Variants in SYNPR observed in about 807,000 individuals in gnomAD.
SYNPR encodes synaptoporin.
A neutral mutation model predicts 32.9 loss-of-function variants in SYNPR; 23 were observed. The observed-to-expected ratio is 0.70, with a 90% CI of 0.50 to 0.99. The LOEUF is 0.99. Ranked by LOEUF, SYNPR falls within the 50% of genes least tolerant of loss-of-function variation. The probability of loss-of-function intolerance (pLI) is 0.00; values close to 1 mark genes in which losing one functional copy is unlikely to be tolerated. For missense variants in SYNPR, 318 were observed against 349.3 expected, an observed-to-expected ratio of 0.91 and a Z score of 0.71; for synonymous variants, 146 against 135.9, an observed-to-expected ratio of 1.07 and a Z score of -0.52.
At chr3:63,395,121 G>GA (rs34929942) in intron 2 of SYNPR, among the ~76,000 whole-genome samples, 6 of 151,164 alleles carry the variant, frequency 4.0e-5, no homozygotes, top group Admixed American at 6.6e-5. Flanking sequence ...AGTGTTTTAG[G>GA]AAAAAAAAAC....
chr3:63,321,798 A>C (rs17068221), intron 2 of SYNPR, among the ~76,000 whole-genome samples: 335 of 152,172 alleles, frequency 2.2e-3, no homozygotes, highest in African/African-American at 8.0e-3. Context: ...ATATAAACAC[A>C]AATAAAATTC....
chr3:63,280,721 G>A (rs2086623125), intron 2 of SYNPR, among the ~76,000 whole-genome samples: 1 of 130,804 alleles, frequency 7.6e-6, no homozygotes, highest in African/African-American at 2.6e-5. Context: ...CCCCTTGGGG[G>A]AGGGGTGTGT....
chr3:63,418,280 C>T (rs1459737479), intron 2 of SYNPR, among the ~76,000 whole-genome samples: 1 of 152,160 alleles, frequency 6.6e-6, no homozygotes, highest in African/African-American at 2.4e-5. Context: ...ACAAGTTCCT[C>T]ATCTTCATCT....
chr3:63,208,025 C>T, the SYNPR span, among the ~76,000 whole-genome samples: 13 of 148,242 alleles, frequency 8.8e-5, no homozygotes, highest in African/African-American at 3.2e-4. Context: ...TTCATTAATT[C>T]TACGTGCAAA....
chr3:63,511,255 C>T (rs977000109), intron 3 of SYNPR, among the ~76,000 whole-genome samples: 15 of 152,040 alleles, frequency 9.9e-5, no homozygotes, highest in Admixed American at 2.6e-4. Context: ...CCCTGAGATG[C>T]TCCCTCCAAG....
the SYNPR span, among the ~76,000 whole-genome samples, chr3:63,210,060 G>C: frequency 6.6e-6 from 1 of 151,994 alleles, no homozygotes. Flanking sequence ...TTCTTACTAA[G>C]AGAACAGTCA....
At chr3:63,344,880 C>G (rs2087416499) in intron 2 of SYNPR, among the ~76,000 whole-genome samples, 1 of 152,016 alleles carries the variant, frequency 6.6e-6, no homozygotes, top group African/African-American at 2.4e-5. Context: ...TGTAGGGGAT[C>G]AAAGCTATCT....
chr3:63,536,032 G>C (rs898320102), intron 3 of SYNPR, among the ~76,000 whole-genome samples: 11 of 152,182 alleles, frequency 7.2e-5, no homozygotes, highest in African/African-American at 2.6e-4. Flanking sequence ...TTGGGAGGCT[G>C]AGATGGGAGA....
intron 3 of SYNPR, among the ~76,000 whole-genome samples, chr3:63,530,949 A>G (rs1702102448): frequency 6.6e-6 from 1 of 152,122 alleles, no homozygotes; most frequent in African/African-American, 2.4e-5. Flanking sequence ...ATTTGAGCTG[A>G]ATTTGAATGA....
chr3:63,416,969 G>C (rs966734792), intron 2 of SYNPR, among the ~76,000 whole-genome samples: 1 of 152,110 alleles, frequency 6.6e-6, no homozygotes, highest in African/African-American at 2.4e-5. Context: ...CAAATCTCAT[G>C]TCCTCACATT....
At chr3:63,557,600 T>C (rs893964826) in intron 4 of SYNPR, among the ~76,000 whole-genome samples, 1 of 152,214 alleles carries the variant, frequency 6.6e-6, no homozygotes, top group African/African-American at 2.4e-5. Flanking sequence ...TTTACTATTT[T>C]TTGGCTTTCA....
At chr3:63,314,099 C>CCATATATATATATATCCAT (rs1560189224) in intron 2 of SYNPR, among the ~76,000 whole-genome samples, 2 of 111,274 alleles carry the variant, frequency 1.8e-5, no homozygotes, top group East Asian at 2.6e-4. Context: ...ATATATATAT[C>CCATATATATATATATCCAT]ACAGTTTCTT....
chr3:63,379,673 T>C (rs894859993), intron 2 of SYNPR, among the ~76,000 whole-genome samples: 1 of 151,982 alleles, frequency 6.6e-6, no homozygotes, highest in Non-Finnish European at 1.5e-5. Context: ...TATATCTTTT[T>C]TGATTCTTTT....
At chr3:63,285,130 C>G (rs2086668566) in intron 2 of SYNPR, among the ~76,000 whole-genome samples, 2 of 152,230 alleles carry the variant, frequency 1.3e-5, no homozygotes, top group Non-Finnish European at 2.9e-5. Flanking sequence ...CAGTGTTTAT[C>G]TCAGTCATCA....
intron 2 of SYNPR, among the ~76,000 whole-genome samples, chr3:63,382,941 C>T (rs1449569453): frequency 2.0e-5 from 3 of 152,158 alleles, no homozygotes; most frequent in Non-Finnish European, 4.4e-5. Context: ...TCACTTAATA[C>T]ATTATTCTAT....
At chr3:63,545,953 C>A (rs147111931) in intron 3 of SYNPR, among the ~76,000 whole-genome samples, 1 of 151,940 alleles carries the variant, frequency 6.6e-6, no homozygotes, top group African/African-American at 2.4e-5. Context: ...CTATACTAAC[C>A]GAATAAAATA....
At chr3:63,305,359 T>C (rs1358648973) in intron 2 of SYNPR, among the ~76,000 whole-genome samples, 1 of 152,034 alleles carries the variant, frequency 6.6e-6, no homozygotes, top group Non-Finnish European at 1.5e-5. Flanking sequence ...ATAGTAATGT[T>C]TGCTGTTTTA....
intron 3 of SYNPR, among the ~76,000 whole-genome samples, chr3:63,483,899 T>G (rs1701096243): frequency 6.6e-6 from 1 of 152,158 alleles, no homozygotes; most frequent in Non-Finnish European, 1.5e-5. Flanking sequence ...ATCTTAGAAA[T>G]AAGGTAAGAA....
At chr3:63,348,390 T>G (rs2087464157) in intron 2 of SYNPR, among the ~76,000 whole-genome samples, 1 of 152,218 alleles carries the variant, frequency 6.6e-6, no homozygotes, top group Admixed American at 6.5e-5. Context: ...GTTGTTGTTT[T>G]TTTTGAGTTG....
Sources: gnomAD v4.1 joint callset for allele counts (sites outside exome capture counted in the v4.1 genomes callset) on GRCh38, gnomAD v4.1.1 for gene constraint, MANE v1.5 for transcripts, NCBI Gene and HGNC (gene_info 2026-07-23, HGNC 2026-07-21) for gene names.